Variants in NEDD4L observed in about 807,000 individuals in gnomAD.
NEDD4L encodes the protein NEDD4 like E3 ubiquitin protein ligase.
In NEDD4L, 54 loss-of-function variants were observed where a neutral mutation model predicts 148.9. That is an observed-to-expected ratio of 0.36 (90% CI 0.29 to 0.45). NEDD4L has a LOEUF of 0.45. Ranked by LOEUF, NEDD4L falls within the 20% of genes least tolerant of loss-of-function variation. The pLI is 1.00. For missense variants in NEDD4L, 856 were observed against 1,233.8 expected (o/e 0.69, Z 4.59); for synonymous variants, 433 against 440.7 (o/e 0.98, Z 0.22).
chr18:58,334,259 A>G (rs1182829461), intron 12 of NEDD4L, among the ~76,000 whole-genome samples: 1 of 152,230 alleles, frequency 6.6e-6, no homozygotes, highest in Non-Finnish European at 1.5e-5. Context: ...TTAACCAGGA[A>G]GAACTCTTCT....
chr18:58,385,504 A>G, intron 25 of NEDD4L, 22 bp from the exon 26 acceptor site: 5 of 1,604,884 alleles, frequency 3.1e-6, no homozygotes, highest in Non-Finnish European at 4.3e-6. Context: ...GTGGTTCAAT[A>G]TTGTCCTCTT....
At chr18:58,067,181 G>A (rs1007400404) in intron 1 of NEDD4L, among the ~76,000 whole-genome samples, 2 of 152,202 alleles carry the variant, frequency 1.3e-5, no homozygotes, top group African/African-American at 4.8e-5. Flanking sequence ...GCAAACTGGA[G>A]AATTGGAGTA....
intron 5 of NEDD4L, among the ~76,000 whole-genome samples, chr18:58,298,854 G>A (rs760918109): frequency 1.3e-5 from 2 of 152,104 alleles, no homozygotes; most frequent in Non-Finnish European, 2.9e-5. Flanking sequence ...ATTTCTTCCA[G>A]CAAAAAGCAA....
At chr18:58,051,249 C>T (rs6566926) in intron 1 of NEDD4L, among the ~76,000 whole-genome samples, 137,438 of 152,168 alleles carry the variant, frequency 0.9, 62,152 homozygotes, top group East Asian at 1. Context: ...CAGAGCAAGA[C>T]ACTGTCTCAG....
chr18:58,081,819 T>C (rs2083446599), intron 1 of NEDD4L, among the ~76,000 whole-genome samples: 1 of 152,110 alleles, frequency 6.6e-6, no homozygotes, highest in African/African-American at 2.4e-5. Flanking sequence ...TTCTGGTTTT[T>C]TTCCAGGCAG....
At chr18:58,149,237 A>C (rs949399500) in intron 1 of NEDD4L, 4 of 336,636 alleles carry the variant, frequency 1.2e-5, no homozygotes, top group African/African-American at 8.5e-5. Context: ...TTTCCTGAAG[A>C]GGTAACTTGG....
intron 1 of NEDD4L, among the ~76,000 whole-genome samples, chr18:58,088,792 G>A (rs78638416): frequency 0.015 from 2,245 of 152,132 alleles, 53 homozygotes; most frequent in African/African-American, 0.051. Flanking sequence ...GAAATTTGTC[G>A]TTCAAGTGTG....
At chr18:58,089,891 G>A (rs933301111) in intron 1 of NEDD4L, among the ~76,000 whole-genome samples, 2 of 149,204 alleles carry the variant, frequency 1.3e-5, no homozygotes, top group Non-Finnish European at 3.0e-5. Context: ...CCAGGCTGGA[G>A]TGCAGTGGCA....
At chr18:58,298,984 G>C (rs1272412881) in intron 5 of NEDD4L, among the ~76,000 whole-genome samples, 1 of 152,162 alleles carries the variant, frequency 6.6e-6, no homozygotes, top group African/African-American at 2.4e-5. Flanking sequence ...ATTATCTTTA[G>C]TCACATCCCT....
rs539660958 is a variant in NEDD4L at position 58,387,064 on chromosome 18, C to G, written c.2488-375C>G. Among the ~76,000 whole-genome samples, 11 of 152,274 alleles carry G rather than the reference C, an allele frequency of 7.2e-5. No homozygotes were observed. In the East Asian group the frequency reaches 2.1e-3, roughly 29 times the overall value. Reference sequence around the variant, plus strand: ...ACCTGCCTCCCTCTGTGTTTCTTCTCCCTGCCTCCAGCACGTTATTTTTAA... The same window carrying G: ...ACCTGCCTCCCTCTGTGTTTCTTCTGCCTGCCTCCAGCACGTTATTTTTAA... On this transcript the variant is annotated intron_variant, in intron 26 of 30. Transcript: ENST00000400345.
intron 30 of NEDD4L, 41 bp from the exon 31 acceptor site, chr18:58,396,126 C>G: frequency 6.1e-6 from 8 of 1,316,490 alleles, no homozygotes; most frequent in African/African-American, 1.4e-5. Context: ...CGAGGAAGTG[C>G]TGTTGTGGCT....
chr18:58,236,589 T>C (rs557296470), intron 2 of NEDD4L, among the ~76,000 whole-genome samples: 1 of 152,312 alleles, frequency 6.6e-6, no homozygotes, highest in African/African-American at 2.4e-5. Context: ...CTCTAAGATC[T>C]TCCTTGCCAA....
intron 1 of NEDD4L, among the ~76,000 whole-genome samples, chr18:58,112,433 G>A (rs2085479433): frequency 6.7e-6 from 1 of 150,334 alleles, no homozygotes; most frequent in African/African-American, 2.4e-5. Flanking sequence ...AGTTTGGTCG[G>A]TAAACTATCA....
intron 14 of NEDD4L, 101 bp downstream of exon 14, chr18:58,341,270 C>T (rs944730298): frequency 3.8e-6 from 5 of 1,319,112 alleles, no homozygotes; most frequent in Non-Finnish European, 3.1e-6. Flanking sequence ...CTGAAAGACC[C>T]GTATTTGTAA....
At chr18:58,189,165 A>ATTTATAGTTATATAAATAT (rs2039811518) in intron 2 of NEDD4L, among the ~76,000 whole-genome samples, 1 of 152,150 alleles carries the variant, frequency 6.6e-6, no homozygotes, top group African/African-American at 2.4e-5. Context: ...TAGACTTTAT[A>ATTTATAGTTATATAAATAT]AAGCCCACGT....
intron 30 of NEDD4L, among the ~76,000 whole-genome samples, chr18:58,392,676 G>A (rs903721271): frequency 6.6e-6 from 1 of 152,104 alleles, no homozygotes; most frequent in East Asian, 1.9e-4. Flanking sequence ...GTGGTTCTCT[G>A]GCTTTATTCT....
At chr18:58,086,317 A>G (rs908524526) in intron 1 of NEDD4L, among the ~76,000 whole-genome samples, 20 of 152,210 alleles carry the variant, frequency 1.3e-4, no homozygotes, top group Non-Finnish European at 1.8e-4. Context: ...TTGTAGATCC[A>G]TAAGAAACTT....
chr18:58,234,022 ACC>A, intron 2 of NEDD4L, among the ~76,000 whole-genome samples: 1 of 150,394 alleles, frequency 6.6e-6, no homozygotes, highest in African/African-American at 2.4e-5. Flanking sequence ...TCAGGGCTCA[ACC>A]TAATGACCTC....
At chr18:58,136,271 A>C (rs79781947) in intron 1 of NEDD4L, among the ~76,000 whole-genome samples, 2 of 152,224 alleles carry the variant, frequency 1.3e-5, no homozygotes, top group African/African-American at 4.8e-5. Context: ...TGGAGTTTCA[A>C]GTAAGAACCC....
Sources: allele counts gnomAD v4.1 joint callset (sites outside exome capture counted in the v4.1 genomes callset), GRCh38; gene constraint gnomAD v4.1.1; transcripts MANE v1.5; gene names NCBI Gene and HGNC (gene_info 2026-07-23, HGNC 2026-07-21).